The following SSR3 variants were observed in gnomAD, a reference collection of about 807,000 sequenced individuals.
SSR3 encodes the protein translocon-associated protein subunit gamma.
In SSR3, 10 loss-of-function variants were observed where a neutral mutation model predicts 22.1. The observed-to-expected ratio is 0.45, with a 90% CI of 0.28 to 0.77. SSR3 has a LOEUF of 0.77. SSR3 is among the 30% of genes least tolerant of loss of function. SSR3 has a pLI of 0.13. For missense variants in SSR3, 181 were observed against 220.5 expected (o/e 0.82, Z 1.13); for synonymous variants, 104 against 82.5 (o/e 1.26, Z -1.42).
chr3:156,548,552 T>TA (rs937915451), intron 3 of SSR3, among the ~76,000 whole-genome samples: 1 of 152,214 alleles, frequency 6.6e-6, no homozygotes, highest in Admixed American at 6.5e-5. Flanking sequence ...GCTCTCAAGT[T>TA]AAACTGCCTG....
chr3:156,545,963 T>G (rs1399274438), intron 3 of SSR3, among the ~76,000 whole-genome samples: 2 of 152,202 alleles, frequency 1.3e-5, no homozygotes, highest in African/African-American at 2.4e-5. Context: ...TGAAGTCAGG[T>G]TGCTTACGTA....
At chr3:156,551,731 C>T (rs1719964227) in intron 2 of SSR3, among the ~76,000 whole-genome samples, 1 of 152,178 alleles carries the variant, frequency 6.6e-6, no homozygotes, top group East Asian at 1.9e-4. Context: ...CCGAAAGAGT[C>T]TAACACAGGG....
intron 3 of SSR3, among the ~76,000 whole-genome samples, chr3:156,545,865 T>A (rs1311438386): frequency 6.6e-6 from 1 of 152,222 alleles, no homozygotes; most frequent in African/African-American, 2.4e-5. Flanking sequence ...ACCAGCCTAG[T>A]AAGATGCATA....
At chr3:156,546,075 A>G (rs1000739567) in intron 3 of SSR3, among the ~76,000 whole-genome samples, 26 of 152,206 alleles carry the variant, frequency 1.7e-4, no homozygotes, top group African/African-American at 5.8e-4. Context: ...AAGAAGTGAT[A>G]TGGTTTGGCT....
At chr3:156,545,143 G>T (rs1475275349) in intron 3 of SSR3, among the ~76,000 whole-genome samples, 1 of 152,142 alleles carries the variant, frequency 6.6e-6, no homozygotes, top group Non-Finnish European at 1.5e-5. Context: ...CTTCATTCTT[G>T]TTGGTTAATT....
rs1719427898 is a variant in SSR3 at position 156,540,609 on chromosome 3, A to AAAT, written c.*2593_*2594insATT. 3 of 149,938 alleles carry AAAT rather than the reference A, an allele frequency of 2.0e-5. No homozygotes were observed. The highest frequency in any genetic ancestry group is 2.0e-4 in the Admixed American group (3 of 15,008). 9.3% of individuals were successfully genotyped at this position (149,938 alleles called of 1,614,324 possible). A position where few individuals can be genotyped will look rare whatever the true frequency, so the allele number is the denominator to read the frequency against. On this transcript the variant is annotated 3_prime_UTR_variant, in exon 5 of 5. Coordinates refer to ENST00000265044, the MANE Select transcript of SSR3 (RefSeq NM_007107.5). The stretch of plus-strand genomic sequence containing the variant: ...TGACAGAGCGAGACGCTGTCTCAAA[A>AAAT]AAAAAAAAAAAAAAAAAAGAATATC...
rs1406859136 is a variant in SSR3 at position 156,541,901 on chromosome 3, ATGGAAG to A, written c.*1296_*1301del. On this transcript the variant is annotated 3_prime_UTR_variant, in exon 5 of 5. Coordinates refer to ENST00000265044, the MANE Select transcript of SSR3 (RefSeq NM_007107.5). ...CATGGAGCCCAACACATCCGATAGCATGGAAGTGGAAGTTAAACTCCCGATGAATAA... is the reference window on the plus strand; with the variant it reads ...CATGGAGCCCAACACATCCGATAGCATGGAAGTTAAACTCCCGATGAATAA... 7.2e-5 allele frequency: 11 copies of A among 152,214 alleles called. No individual in the cohort carries two copies. Among genetic ancestry groups the A allele is most frequent in the South Asian group, 2.1e-4 (1 of 4,830 alleles). The allele number at this position is 152,214 out of a possible 1,614,324, so 9.4% of individuals were successfully genotyped here. A position where few individuals can be genotyped will look rare whatever the true frequency, so the allele number is the denominator to read the frequency against.
In SSR3 at chr3:156,555,024, G is replaced by A. The variant is rs150572970; in HGVS notation, c.66C>T (p.Arg22=). Residue 22 remains arginine (R), a synonymous_variant, in exon 1 of 5, where the codon CGC becomes CGT. Transcript: ENST00000265044. ...GCGCGGAGGACTTGGCCGAGAGATT[G>A]CGGCTGAAATCCTGCAGGAGCAGGT... ...EEDLLLQDFS[R]NLSAKSSALF... The A allele has an allele frequency of 1.1e-5, 18 of 1,613,980 alleles. No individual in the cohort carries two copies. In the African/African-American group the frequency reaches 2.3e-4, roughly 20 times the overall value.
In SSR3 at chr3:156,553,106, A is replaced by C. The variant is rs79165376; in HGVS notation, c.260+549T>G. Reference sequence around the variant, plus strand: ...TCAACATGGCCTGTCTCTACAAAAAAATTAGCTGGGCATGGTAGCCTGCAC... The same window carrying C: ...TCAACATGGCCTGTCTCTACAAAAACATTAGCTGGGCATGGTAGCCTGCAC... On this transcript the variant is annotated intron_variant, in intron 2 of 4. Transcript: ENST00000265044. Among the ~76,000 whole-genome samples the C allele has an allele frequency of 9.1e-4, 139 of 152,134 alleles. No individual in the cohort carries two copies. In the East Asian group the frequency reaches 0.026, roughly 28 times the overall value.
chr3:156,553,811 A>G (rs1233233357), intron 1 of SSR3, 30 bp from the exon 2 acceptor site: 2 of 1,575,904 alleles, frequency 1.3e-6, no homozygotes, highest in South Asian at 1.2e-5. Context: ...GGAAGGGTAC[A>G]AAAAGAAGCA....
chr3:156,543,316 T>C (rs766895229), intron 4 of SSR3, 47 bp from the exon 5 acceptor site: 15 of 1,515,834 alleles, frequency 9.9e-6, no homozygotes, highest in Admixed American at 6.8e-5. Context: ...TCCAAATTGG[T>C]TTTTTGAGAA....
intron 2 of SSR3, among the ~76,000 whole-genome samples, chr3:156,550,394 T>G (rs1719909168): frequency 6.6e-6 from 1 of 152,236 alleles, no homozygotes; most frequent in African/African-American, 2.4e-5. Flanking sequence ...ATGAAGACAT[T>G]ACACCAGATA....
At chr3:156,545,954 G>A (rs999566776) in intron 3 of SSR3, among the ~76,000 whole-genome samples, 4 of 152,210 alleles carry the variant, frequency 2.6e-5, no homozygotes, top group Non-Finnish European at 5.9e-5. Flanking sequence ...GAGACCCAGT[G>A]AAGTCAGGTT....
chr3:156,545,981 A>G (rs553874033), intron 3 of SSR3, among the ~76,000 whole-genome samples: 17 of 152,348 alleles, frequency 1.1e-4, no homozygotes, highest in African/African-American at 3.8e-4. Context: ...GTAGGTTATT[A>G]GGCTGACTTT....
At chr3:156,546,968 CCTT>C (rs1459222269) in intron 3 of SSR3, among the ~76,000 whole-genome samples, 5 of 152,180 alleles carry the variant, frequency 3.3e-5, no homozygotes, top group African/African-American at 9.7e-5. Context: ...TGCTGATAAG[CCTT>C]CTTCTTACAT....
At chr3:156,554,461 C>G (rs1306313085) in intron 1 of SSR3, among the ~76,000 whole-genome samples, 2 of 152,178 alleles carry the variant, frequency 1.3e-5, no homozygotes, top group African/African-American at 4.8e-5. Flanking sequence ...TTCAACCTCT[C>G]TCTTTTTGCA....
At position 156,540,119 on chromosome 3, in the gene SSR3, T is replaced by G. The variant is rs1184342258; in HGVS notation, c.*3084A>C. On this transcript the variant is annotated 3_prime_UTR_variant, in exon 5 of 5. Transcript: ENST00000265044. Reference sequence around the variant, plus strand: ...TACGTACTTCATCATAGGATTCTTATAAAGAAGTGTAGGGAAAATACAAAT... The same window carrying G: ...TACGTACTTCATCATAGGATTCTTAGAAAGAAGTGTAGGGAAAATACAAAT... 6.6e-6 allele frequency: 1 copy of G among 152,332 alleles called. No homozygotes were observed. Among genetic ancestry groups the G allele is most frequent in the Admixed American group, 6.5e-5 (1 of 15,306 alleles). 9.4% of individuals were successfully genotyped at this position (152,332 alleles called of 1,614,324 possible).
At chr3:156,547,542 C>T (rs1719807892) in intron 3 of SSR3, among the ~76,000 whole-genome samples, 1 of 152,160 alleles carries the variant, frequency 6.6e-6, no homozygotes, top group African/African-American at 2.4e-5. Context: ...ACCTTGATCC[C>T]TATGCAAAAA....
At position 156,540,869 on chromosome 3, in the gene SSR3, C is replaced by G. The variant is rs537160050; in HGVS notation, c.*2334G>C. 6.6e-6 allele frequency: 1 copy of G among 152,052 alleles called. No homozygotes were observed. Among genetic ancestry groups the G allele is most frequent in the South Asian group, 2.1e-4 (1 of 4,828 alleles). 9.4% of individuals were successfully genotyped at this position (152,052 alleles called of 1,614,324 possible). A position where few individuals can be genotyped will look rare whatever the true frequency, so the allele number is the denominator to read the frequency against. On this transcript the variant is annotated 3_prime_UTR_variant, in exon 5 of 5. Coordinates refer to ENST00000265044, the MANE Select transcript of SSR3 (RefSeq NM_007107.5). ...GTAGGTCGCATCTCTGTGTGCCACA[C>G]AGAACTTTTAGACAAGAGTAGAGGG... is the stretch of plus-strand genomic sequence containing the variant.
Sources: gnomAD v4.1 joint callset for allele counts (sites outside exome capture counted in the v4.1 genomes callset) on GRCh38, gnomAD v4.1.1 for gene constraint, MANE v1.5 for transcripts, NCBI Gene and HGNC (gene_info 2026-07-23, HGNC 2026-07-21) for gene names.